Variants in CD99 observed in about 807,000 individuals in gnomAD.
CD99 encodes CD99 antigen.
In CD99, 19 loss-of-function variants were observed where a neutral mutation model predicts 28.4. The observed-to-expected ratio is 0.67, with a 90% CI of 0.47 to 0.98. The LOEUF is 0.98. Among genes scored for constraint, CD99 ranks in the 50% least tolerant of loss-of-function variants. The pLI is 0.00. For synonymous variants in CD99, 103 were observed against 92.1 expected (o/e 1.12, Z -0.67); for missense variants, 283 against 248.8 (o/e 1.14, Z -0.92).
At chrX:2,728,811 A>G (rs1183147119) in intron 8 of CD99, among the ~76,000 whole-genome samples, 1 of 143,596 alleles carries the variant, frequency 7.0e-6, no homozygotes, top group Non-Finnish European at 1.5e-5. Flanking sequence ...AATATTCTAG[A>G]TGTTGTATTT....
intron 5 of CD99, 50 bp from the exon 6 acceptor site, chrX:2,722,577 C>A (rs766716798): frequency 6.5e-7 from 1 of 1,547,906 alleles, no homozygotes; most frequent in African/African-American, 1.4e-5. Context: ...GACATGAAGA[C>A]CCTTGGAGGA....
rs745764027 is a variant in CD99, at chrX:2,720,432, T to G, written c.262+8T>G. On this transcript the variant is annotated splice_region_variant and intron_variant, in intron 5 of 9. Coordinates refer to ENST00000381192, the MANE Select transcript of CD99 (RefSeq NM_002414.5). The stretch of plus-strand genomic sequence containing the variant: ...ACCACCCTAGTTCCTCCGGTAAGAG[T>G]CTCTGACCCTGTGGGATGTCTTCAT... The G allele has an allele frequency of 6.2e-7, 1 of 1,611,198 alleles. No homozygotes were observed. The highest frequency in any genetic ancestry group is 8.5e-7 in the Non-Finnish European group (1 of 1,178,112).
intron 8 of CD99, among the ~76,000 whole-genome samples, chrX:2,735,995 G>T (rs777746819): frequency 6.6e-6 from 1 of 152,126 alleles, no homozygotes; most frequent in Admixed American, 6.6e-5. Context: ...GAAGTCAGGA[G>T]ATCGAGACCA....
chrX:2,738,748 C>G (rs1198079878), intron 9 of CD99, among the ~76,000 whole-genome samples: 1 of 151,512 alleles, frequency 6.6e-6, no homozygotes, highest in Non-Finnish European at 1.5e-5. Flanking sequence ...TTCCAAGTGG[C>G]ACACGATTGG....
chrX:2,711,472 A>G (rs771330338), intron 1 of CD99, among the ~76,000 whole-genome samples: 24 of 151,404 alleles, frequency 1.6e-4, no homozygotes, highest in African/African-American at 5.8e-4. Flanking sequence ...TGGGATAAGG[A>G]AAGGAAATCA....
intron 7 of CD99, among the ~76,000 whole-genome samples, chrX:2,723,733 C>T (rs1255588561): frequency 2.0e-5 from 3 of 152,170 alleles, no homozygotes; most frequent in Non-Finnish European, 4.4e-5. Flanking sequence ...CCCTTGAGAA[C>T]GTCAGTAACC....
intron 1 of CD99, among the ~76,000 whole-genome samples, chrX:2,699,632 T>C (rs1330188481): frequency 6.6e-6 from 1 of 152,146 alleles, no homozygotes; most frequent in Non-Finnish European, 1.5e-5. Flanking sequence ...AAATTTTTCA[T>C]TTTTTGTAGA....
At chrX:2,723,175 A>T (rs745642383) in intron 6 of CD99, 139 bp from the exon 7 acceptor site, 2 of 844,468 alleles carry the variant, frequency 2.4e-6, no homozygotes, top group Non-Finnish European at 4.1e-6. Flanking sequence ...TGTAATAGGC[A>T]GGACCCCAGC....
chrX:2,737,975 A>G (rs2050029758), intron 8 of CD99: 1 of 713,718 alleles, frequency 1.4e-6, no homozygotes, highest in African/African-American at 1.8e-5. Context: ...ACCCTGTTGA[A>G]GTTCATCTCT....
rs144978861 is a variant in CD99 at position 2,723,245 on chromosome X, A to C, written c.311-69A>C. On this transcript the variant is annotated intron_variant, in intron 6 of 9. Coordinates refer to ENST00000381192, the MANE Select transcript of CD99 (RefSeq NM_002414.5). ...TAAGAAGCAGGACCCCAGCCTCTTCACGGTCCTGGCTGTGAATTTTTCCTT... is the reference window on the plus strand; with the variant it reads ...TAAGAAGCAGGACCCCAGCCTCTTCCCGGTCCTGGCTGTGAATTTTTCCTT... 8,048 of 1,518,218 alleles carry C rather than the reference A, an allele frequency of 5.3e-3. 372 individuals are homozygous for C. The African/African-American group carries it at 0.098, about 18-fold the overall frequency. 94.0% of individuals were successfully genotyped at this position (1,518,218 alleles called of 1,614,324 possible).
At chrX:2,716,197 TC>T (rs2048704993) in intron 2 of CD99, among the ~76,000 whole-genome samples, 1 of 152,060 alleles carries the variant, frequency 6.6e-6, no homozygotes, top group Admixed American at 6.5e-5. Context: ...TTTTGTATTT[TC>T]AGTACAGACG....
intron 1 of CD99, among the ~76,000 whole-genome samples, chrX:2,697,724 C>G (rs750566721): frequency 1.2e-4 from 19 of 152,176 alleles, no homozygotes; most frequent in African/African-American, 4.1e-4. Context: ...CCAAATATTG[C>G]CAGTCGGCCT....
At position 2,738,041 on chromosome X, in the gene CD99, A is replaced by G. The variant is rs775719417; in HGVS notation, c.476-159A>G. On this transcript the variant is annotated intron_variant, in intron 8 of 9. Coordinates refer to ENST00000381192, the MANE Select transcript of CD99 (RefSeq NM_002414.5). ...AAGTCTTCACTTACATGAGTGTTAG[A>G]CTCCATGTTCCCAGTGGGTCTCGGG... 342 of 758,340 alleles carry G rather than the reference A, an allele frequency of 4.5e-4. 1 individual carries two copies. The East Asian group carries it at 7.1e-3, about 16-fold the overall frequency. The allele number at this position is 758,340 out of a possible 1,614,324, so 47.0% of individuals were successfully genotyped here.
chrX:2,705,906 G>A (rs5982578), intron 1 of CD99, among the ~76,000 whole-genome samples: 5,901 of 152,146 alleles, frequency 0.039, 133 homozygotes, highest in African/African-American at 0.056. Flanking sequence ...AGGACTTCCG[G>A]TGCTTGCTCC....
At chrX:2,730,906 G>A (rs1186172601) in intron 8 of CD99, among the ~76,000 whole-genome samples, 11 of 136,020 alleles carry the variant, frequency 8.1e-5, no homozygotes, top group African/African-American at 2.2e-4. Context: ...CTCCAGCCTG[G>A]ACAACAGAGT....
At chrX:2,736,673 C>T (rs1269908801) in intron 8 of CD99, among the ~76,000 whole-genome samples, 4 of 151,704 alleles carry the variant, frequency 2.6e-5, no homozygotes, top group Non-Finnish European at 5.9e-5. Flanking sequence ...CTGGCTAACA[C>T]GGTGGAACCC....
intron 1 of CD99, chrX:2,691,634 A>G (rs2047299812): frequency 2.8e-6 from 2 of 714,886 alleles, no homozygotes; most frequent in Non-Finnish European, 5.0e-6. Flanking sequence ...CGTTCCAGAG[A>G]GAAAAGTCAG....
intron 7 of CD99, among the ~76,000 whole-genome samples, chrX:2,723,616 G>A (rs1355133383): frequency 2.6e-5 from 4 of 152,214 alleles, no homozygotes; most frequent in South Asian, 2.1e-4. Context: ...CCTGGCTGGC[G>A]ACCCGACCCC....
At chrX:2,694,255 A>G (rs1409583976) in intron 1 of CD99, among the ~76,000 whole-genome samples, 2 of 150,670 alleles carry the variant, frequency 1.3e-5, no homozygotes, top group Non-Finnish European at 3.0e-5. Flanking sequence ...CCCTCGCCCC[A>G]GTAGAGCAAG....
Sources: gnomAD v4.1 joint callset for allele counts (sites outside exome capture counted in the v4.1 genomes callset) on GRCh38, gnomAD v4.1.1 for gene constraint, MANE v1.5 for transcripts, NCBI Gene and HGNC (gene_info 2026-07-23, HGNC 2026-07-21) for gene names.